The following TTC39B variants were observed in gnomAD, a reference collection of about 807,000 sequenced individuals.
The protein encoded by TTC39B is tetratricopeptide repeat domain 39B, also known as tetratricopeptide repeat protein 39B.
TTC39B carries 92 observed loss-of-function variants against 96.6 expected under a neutral mutation model. The observed-to-expected ratio is 0.95, with a 90% CI of 0.80 to 1.13. The LOEUF (loss-of-function observed/expected upper bound fraction) is 1.13, where lower values mean the gene tolerates loss of function less well. Ranked by LOEUF, TTC39B falls within the 50% of genes most tolerant of loss-of-function variation. TTC39B has a pLI of 0.00. For synonymous variants in TTC39B, 367 were observed against 299.4 expected (o/e 1.23, Z -2.33); for missense variants, 955 against 809.3 (o/e 1.18, Z -2.18).
At chr9:15,279,708 T>C (rs1388229999) in intron 1 of TTC39B, among the ~76,000 whole-genome samples, 2 of 151,928 alleles carry the variant, frequency 1.3e-5, no homozygotes, top group Non-Finnish European at 2.9e-5. Context: ...CTGGGAAAGG[T>C]TAGGAAGTGG....
chr9:15,214,213 G>A (rs377068917), exon 4 of TTC39B: 13 of 1,613,982 alleles, frequency 8.1e-6, no homozygotes, highest in East Asian at 6.7e-5. Context: ...CACATTCTTC[G>A]AGGCCACTCT....
chr9:15,205,300 C>T (rs1037761181), intron 6 of TTC39B, among the ~76,000 whole-genome samples: 1 of 152,106 alleles, frequency 6.6e-6, no homozygotes, highest in Admixed American at 6.6e-5. Flanking sequence ...TGGACTGTGA[C>T]TGAAAATAGG....
At chr9:15,180,435 C>G (rs968391637) in intron 17 of TTC39B, among the ~76,000 whole-genome samples, 9 of 152,318 alleles carry the variant, frequency 5.9e-5, no homozygotes, top group Non-Finnish European at 5.9e-5. Context: ...AGGGATGTCA[C>G]CAAATTCTGT....
chr9:15,249,962 C>T (rs1237034615), intron 2 of TTC39B: 1 of 1,288,130 alleles, frequency 7.8e-7, no homozygotes, highest in Non-Finnish European at 1.0e-6. Context: ...TATAGTCCCA[C>T]TATGAAGATG....
intron 7 of TTC39B, 98 bp downstream of exon 7, chr9:15,203,725 A>T: frequency 1.0e-6 from 1 of 988,194 alleles, no homozygotes; most frequent in Non-Finnish European, 1.5e-6. Flanking sequence ...ACTCTAAGTC[A>T]AAAGAACTGA....
chr9:15,205,775 G>A (rs776256749), intron 6 of TTC39B, among the ~76,000 whole-genome samples: 7 of 152,006 alleles, frequency 4.6e-5, no homozygotes, highest in Non-Finnish European at 8.8e-5. Flanking sequence ...CAGATTGCTG[G>A]CTTGGGGTAC....
chr9:15,181,387 T>C (rs935790287), intron 17 of TTC39B, among the ~76,000 whole-genome samples: 6 of 152,212 alleles, frequency 3.9e-5, no homozygotes, highest in Admixed American at 6.5e-5. Flanking sequence ...CTATCACTTA[T>C]GGCATGGTTT....
At chr9:15,283,800 T>C in intron 1 of TTC39B, among the ~76,000 whole-genome samples, 1 of 152,186 alleles carries the variant, frequency 6.6e-6, no homozygotes. Context: ...ATGCTAAGGA[T>C]ATTGGTTGTC....
chr9:15,198,262 G>A (rs539375247), intron 8 of TTC39B, among the ~76,000 whole-genome samples: 2 of 151,818 alleles, frequency 1.3e-5, no homozygotes, highest in African/African-American at 4.9e-5. Context: ...TTCGAGACCA[G>A]CCCGGTCAAT....
At chr9:15,263,041 T>C (rs1823000362) in intron 2 of TTC39B, among the ~76,000 whole-genome samples, 1 of 152,168 alleles carries the variant, frequency 6.6e-6, no homozygotes, top group Non-Finnish European at 1.5e-5. Context: ...TTTTTTACAA[T>C]TAACATGTAT....
intron 2 of TTC39B, among the ~76,000 whole-genome samples, chr9:15,234,531 C>T (rs1366354219): frequency 6.6e-6 from 1 of 151,822 alleles, no homozygotes; most frequent in Non-Finnish European, 1.5e-5. Context: ...GGGAGGTGTA[C>T]CCAACAGCTC....
chr9:15,225,927 T>C (rs1174156653), exon 3 of TTC39B: 2 of 1,613,736 alleles, frequency 1.2e-6, no homozygotes, highest in Non-Finnish European at 1.7e-6. Context: ...CTGCTGACAG[T>C]AGACGCTCCG....
At chr9:15,216,178 G>A (rs1415493727) in intron 3 of TTC39B, among the ~76,000 whole-genome samples, 3 of 152,170 alleles carry the variant, frequency 2.0e-5, no homozygotes, top group Non-Finnish European at 2.9e-5. Flanking sequence ...AGTATCTTGT[G>A]CATGTAGCAT....
intron 19 of TTC39B, 24 bp downstream of exon 19, chr9:15,174,995 G>C (rs1193431896): frequency 6.6e-7 from 1 of 1,521,042 alleles, no homozygotes; most frequent in Non-Finnish European, 9.1e-7. Context: ...TAACAATCAA[G>C]GAAAAGCTGC....
chr9:15,196,394 G>C (rs1264140768), intron 8 of TTC39B, among the ~76,000 whole-genome samples: 2 of 152,184 alleles, frequency 1.3e-5, no homozygotes, highest in Non-Finnish European at 2.9e-5. Context: ...ACCTATCATA[G>C]AGAACATTCG....
Position 15,214,287 on chromosome 9 carries a change from C to T in TTC39B, c.372-38G>A, listed in dbSNP as rs375935227. On this transcript the variant is annotated intron_variant, in intron 3 of 19. Coordinates refer to ENST00000512701, the Ensembl canonical transcript of TTC39B. The stretch of plus-strand genomic sequence containing the variant: ...AAAAAAGCACAGAGAATTTCTATAG[C>T]TTTACGATCAGCAAGTTGTCCGAAG... The T allele has an allele frequency of 2.8e-4, 415 of 1,500,538 alleles. 1 individual carries two copies. The African/African-American group carries it at 5.5e-3, about 20-fold the overall frequency. 93.0% of individuals were successfully genotyped at this position (1,500,538 alleles called of 1,614,324 possible).
intron 2 of TTC39B, among the ~76,000 whole-genome samples, chr9:15,246,666 G>A (rs886610594): frequency 1.3e-5 from 2 of 152,210 alleles, no homozygotes; most frequent in Non-Finnish European, 1.5e-5. Context: ...GAACCACATT[G>A]CTATGCTGTG....
intron 5 of TTC39B, among the ~76,000 whole-genome samples, chr9:15,210,589 A>C (rs1298672938): frequency 6.6e-6 from 1 of 152,196 alleles, no homozygotes; most frequent in Non-Finnish European, 1.5e-5. Context: ...CCTTCTGATC[A>C]TGAACCTTCT....
At chr9:15,280,566 T>C (rs111506584) in intron 1 of TTC39B, among the ~76,000 whole-genome samples, 10,056 of 152,264 alleles carry the variant, frequency 0.066, 419 homozygotes, top group African/African-American at 0.11. Flanking sequence ...AGAGTCCCGC[T>C]ATCAGCTCCA....
Sources: gnomAD v4.1 joint callset for allele counts (sites outside exome capture counted in the v4.1 genomes callset) on GRCh38, gnomAD v4.1.1 for gene constraint, MANE v1.5 for transcripts, NCBI Gene and HGNC (gene_info 2026-07-23, HGNC 2026-07-21) for gene names.